Variants in MIPEP observed in about 807,000 individuals in gnomAD.
MIPEP encodes the protein mitochondrial intermediate peptidase.
A neutral mutation model predicts 90.3 loss-of-function variants in MIPEP; 79 were observed. The observed-to-expected ratio is 0.87, with a 90% CI of 0.73 to 1.05. The LOEUF is 1.05. Among genes scored for constraint, MIPEP ranks in the 50% least tolerant of loss-of-function variants. MIPEP has a pLI of 0.00. For missense variants in MIPEP, 940 were observed against 905.6 expected (o/e 1.04, Z -0.49); for synonymous variants, 334 against 315.8 (o/e 1.06, Z -0.61).
chr13:23,822,321 G>A (rs978643306), intron 14 of MIPEP, among the ~76,000 whole-genome samples: 1 of 152,126 alleles, frequency 6.6e-6, no homozygotes, highest in Non-Finnish European at 1.5e-5. Context: ...TTGACTATAT[G>A]ACTATAACAA....
chr13:23,835,072 G>A (rs1306385028), intron 14 of MIPEP, among the ~76,000 whole-genome samples: 2 of 147,558 alleles, frequency 1.4e-5, no homozygotes, highest in East Asian at 4.0e-4. Context: ...CCAGACTGGA[G>A]TGCAGTGGCG....
chr13:23,775,109 CTGTGTGTGTGTG>C lies in MIPEP; in HGVS notation c.1849-14904_1849-14893del, dbSNP rs57354012. 2.5e-3 allele frequency among the ~76,000 whole-genome samples: 371 copies of C among 149,198 alleles called. 1 individual carries two copies. Among genetic ancestry groups the C allele is most frequent in the African/African-American group, 8.4e-3 (339 of 40,444 alleles). On this transcript the variant is annotated intron_variant, in intron 16 of 18. Coordinates refer to ENST00000382172, the MANE Select transcript of MIPEP (RefSeq NM_005932.4). Reference sequence around the variant, plus strand: ...TCACTGCACCCAGCCTATCAGTTCTCTGTGTGTGTGTGTGTGTGTGTGTGTGTGTGTGTGTGT... The same window carrying C: ...TCACTGCACCCAGCCTATCAGTTCTCTGTGTGTGTGTGTGTGTGTGTGTGT...
rs147268308 is a variant in MIPEP, at chr13:23,824,826, T to A, written c.1653+11414A>T. On this transcript the variant is annotated intron_variant, in intron 14 of 18. Transcript: ENST00000382172. ...GTGTTTTCTAACAAACTAAATAAGA[T>A]GATCTAAGATTTAAAAACCCTTTAA... 2.9e-3 allele frequency among the ~76,000 whole-genome samples: 437 copies of A among 152,332 alleles called. 1 individual carries two copies. Among genetic ancestry groups the A allele is most frequent in the Non-Finnish European group, 5.0e-3 (337 of 68,028 alleles).
intron 5 of MIPEP, among the ~76,000 whole-genome samples, chr13:23,872,084 C>A (rs1190441415): frequency 6.6e-6 from 1 of 152,156 alleles, no homozygotes; most frequent in Non-Finnish European, 1.5e-5. Flanking sequence ...TTGAAAAATT[C>A]TATGAAATTT....
intron 16 of MIPEP, among the ~76,000 whole-genome samples, chr13:23,793,342 A>G (rs1952919908): frequency 1.3e-5 from 2 of 152,216 alleles, no homozygotes. Flanking sequence ...GGATTTCTGT[A>G]TGATGCCACC....
At chr13:23,769,267 G>A (rs970906399) in intron 16 of MIPEP, among the ~76,000 whole-genome samples, 2 of 152,302 alleles carry the variant, frequency 1.3e-5, no homozygotes, top group African/African-American at 4.8e-5. Flanking sequence ...TCTGAACCCT[G>A]ATCAGGCAGC....
chr13:23,808,891 T>C (rs1953141529), intron 15 of MIPEP, among the ~76,000 whole-genome samples: 1 of 152,224 alleles, frequency 6.6e-6, no homozygotes, highest in Non-Finnish European at 1.5e-5. Context: ...GACTGAATTT[T>C]ACAAAACTAT....
At chr13:23,742,812 T>C (rs7985670) in intron 18 of MIPEP, among the ~76,000 whole-genome samples, 117,383 of 152,170 alleles carry the variant, frequency 0.77, 45,878 homozygotes, top group East Asian at 1. Context: ...TTTCTACCTG[T>C]TGACTTCTGT....
chr13:23,783,160 G>T (rs2137364420), intron 16 of MIPEP, among the ~76,000 whole-genome samples: 1 of 152,190 alleles, frequency 6.6e-6, no homozygotes, highest in East Asian at 1.9e-4. Flanking sequence ...CCGAAAAAGA[G>T]AATTTTAGAC....
intron 16 of MIPEP, among the ~76,000 whole-genome samples, chr13:23,794,386 A>G (rs988774877): frequency 6.6e-6 from 1 of 152,202 alleles, no homozygotes; most frequent in Admixed American, 6.5e-5. Flanking sequence ...CCTTCCTCAT[A>G]TTGCTAACGC....
intron 5 of MIPEP, among the ~76,000 whole-genome samples, chr13:23,872,471 T>C (rs1410680902): frequency 1.3e-5 from 2 of 152,030 alleles, no homozygotes; most frequent in Admixed American, 6.6e-5. Context: ...CAAAAAATAA[T>C]AATAATAATA....
intron 15 of MIPEP, among the ~76,000 whole-genome samples, chr13:23,807,700 T>C (rs971480294): frequency 6.6e-6 from 1 of 152,232 alleles, no homozygotes; most frequent in African/African-American, 2.4e-5. Flanking sequence ...ATGTCTTACC[T>C]ATATTCTAAC....
chr13:23,810,963 A>G lies in MIPEP; in HGVS notation c.1654-1039T>C, dbSNP rs191279021. ...AGAAGTAAACTAGGCAGAAAAGACA[A>G]TATTTTTAAAGAGCTAAGACACAGA... On this transcript the variant is annotated intron_variant, in intron 14 of 18. Transcript: ENST00000382172. 6.0e-3 allele frequency among the ~76,000 whole-genome samples: 910 copies of G among 152,334 alleles called. 7 individuals carry two copies. The highest frequency in any genetic ancestry group is 9.3e-3 in the Non-Finnish European group (635 of 68,024).
rs1566023584 is a variant in MIPEP, at chr13:23,869,453, GT to G, written c.787-6del. ...TTTATAAGCAGCTTCTCGCACCTAC[GT>G]TTAAAAAGTAAATGGTGAAGGCTAT... On this transcript the variant is annotated splice_polypyrimidine_tract_variant and splice_region_variant and intron_variant, in intron 6 of 18. Coordinates refer to ENST00000382172, the MANE Select transcript of MIPEP (RefSeq NM_005932.4). 6.3e-7 allele frequency: 1 copy of G among 1,598,022 alleles called. No individual in the cohort carries two copies. Among genetic ancestry groups the G allele is most frequent in the Non-Finnish European group, 8.5e-7 (1 of 1,174,238 alleles).
At chr13:23,788,345 CTG>C (rs150345757) in intron 16 of MIPEP, among the ~76,000 whole-genome samples, 152 of 152,284 alleles carry the variant, frequency 1.0e-3, no homozygotes, top group African/African-American at 3.6e-3. Context: ...CCTAAAATCT[CTG>C]TGTTTGCTCC....
In MIPEP at chr13:23,839,721, A is replaced by T; in HGVS notation, c.1266T>A (p.Val422=). The change falls in exon 12 of 19, where the codon GTT becomes GTA. Residue 422 remains valine, a synonymous_variant. Coordinates refer to ENST00000382172, the MANE Select transcript of MIPEP (RefSeq NM_005932.4). ...CCAACAATCCTTCAGATTCATGAAC[A>T]ACAGCCTAGAAAAAAAAATTTAAAT... ...VWSEDVRKLA[V]VHESEGLLGY... 6.2e-7 allele frequency: 1 copy of T among 1,606,746 alleles called. No individual in the cohort carries two copies. The highest frequency in any genetic ancestry group is 1.1e-5 in the South Asian group (1 of 89,092).
intron 14 of MIPEP, among the ~76,000 whole-genome samples, chr13:23,818,550 A>C (rs1953269585): frequency 6.6e-6 from 1 of 152,136 alleles, no homozygotes; most frequent in Non-Finnish European, 1.5e-5. Flanking sequence ...GAGACTCAGG[A>C]ACTGCCATAT....
chr13:23,766,636 T>C (rs941239758), intron 16 of MIPEP, among the ~76,000 whole-genome samples: 2 of 152,220 alleles, frequency 1.3e-5, no homozygotes, highest in African/African-American at 2.4e-5. Context: ...TGGAGACTAG[T>C]GCTTCTAACT....
rs539230791 is a variant in MIPEP at position 23,760,326 on chromosome 13, T to C, written c.1849-109A>G. 25 of 1,441,418 alleles carry C rather than the reference T, an allele frequency of 1.7e-5. No individual in the cohort carries two copies. The African/African-American group carries it at 3.5e-4, about 20-fold the overall frequency. The allele number at this position is 1,441,418 out of a possible 1,614,324, so 89.3% of individuals were successfully genotyped here. On this transcript the variant is annotated intron_variant, in intron 16 of 18. Coordinates refer to ENST00000382172, the MANE Select transcript of MIPEP (RefSeq NM_005932.4). ...CAGAGAGACCCGTAAATGCTTTCAT[T>C]TGCATTTTACCCTAGAAGGCTACGT...
Sources: gnomAD v4.1 joint callset for allele counts (sites outside exome capture counted in the v4.1 genomes callset) on GRCh38, gnomAD v4.1.1 for gene constraint, MANE v1.5 for transcripts, NCBI Gene and HGNC (gene_info 2026-07-23, HGNC 2026-07-21) for gene names.